PHKA2: variants seen among roughly 807,000 people sequenced by gnomAD.
PHKA2 encodes the protein phosphorylase b kinase regulatory subunit alpha, liver isoform.
PHKA2 carries 31 observed loss-of-function variants against 102.0 expected under a neutral mutation model. The observed-to-expected ratio is 0.30, with a 90% confidence interval of 0.23 to 0.41. The LOEUF is 0.41. PHKA2 is among the 10% of genes least tolerant of loss of function. PHKA2 has a pLI of 1.00. For missense variants in PHKA2, 858 were observed against 1,023.1 expected (o/e 0.84, Z 2.20); for synonymous variants, 455 against 416.2 (o/e 1.09, Z -1.13).
In PHKA2 at chrX:18,925,780, G is replaced by GTT; in HGVS notation, c.1460-5_1460-4dup. 1 of 1,122,332 alleles carries GTT rather than the reference G, an allele frequency of 8.9e-7. No individual in the cohort carries two copies. Among genetic ancestry groups the GTT allele is most frequent in the Non-Finnish European group, 1.2e-6 (1 of 814,255 alleles). The allele number at this position is 1,122,332 out of a possible 1,213,427, so 92.5% of individuals were successfully genotyped here. ...CAAATTCATATTCTTATTCCGTCCT[G>GTT]TTTGAGAAGTAAAAGATAAATTGGA... On this transcript the variant is annotated splice_polypyrimidine_tract_variant and splice_region_variant and intron_variant, in intron 14 of 32. Transcript: ENST00000379942.
intron 12 of PHKA2, 22 bp downstream of exon 12, chrX:18,931,619 T>C: frequency 4.6e-6 from 5 of 1,080,514 alleles, no homozygotes; most frequent in Non-Finnish European, 6.4e-6. Context: ...GTTTCCAGTC[T>C]GTGAGGCCAC....
intron 2 of PHKA2, 110 bp from the exon 3 acceptor site, chrX:18,952,651 A>T: frequency 1.4e-6 from 1 of 692,617 alleles, no homozygotes; most frequent in South Asian, 2.2e-5. Flanking sequence ...ACTGCCCTGG[A>T]AAGGCCAGTC....
At chrX:18,981,203 A>T (rs1225277553) in intron 1 of PHKA2, among the ~76,000 whole-genome samples, 1 of 111,628 alleles carries the variant, frequency 9.0e-6, no homozygotes, top group Non-Finnish European at 1.9e-5. Flanking sequence ...ACAACTGTGA[A>T]CACTAGTTGT....
chrX:18,932,661 T>C (rs2048334773), intron 11 of PHKA2, among the ~76,000 whole-genome samples: 1 of 111,110 alleles, frequency 9.0e-6, no homozygotes, highest in African/African-American at 3.3e-5. Context: ...GACAATAGTG[T>C]GGAAGGAGAT....
rs756395441 is a variant in PHKA2 at position 18,951,076 on chromosome X, A to G, written c.454+28T>C. ...CCTTTTCCGGATTGTCACTCCTTAT[A>G]CAATGGGCTCCAGCAACCCCAGCTC... On this transcript the variant is annotated intron_variant, in intron 4 of 32. Coordinates refer to ENST00000379942, the MANE Select transcript of PHKA2 (RefSeq NM_000292.3). The G allele has an allele frequency of 5.8e-5, 70 of 1,204,536 alleles. No homozygotes were observed. In the South Asian group the frequency reaches 6.5e-4, roughly 11 times the overall value.
chrX:18,951,241 T>A lies in PHKA2; in HGVS notation c.317A>T (p.Gln106Leu). 1 of 1,211,738 alleles carries A rather than the reference T, an allele frequency of 8.3e-7. No individual in the cohort carries two copies. Among genetic ancestry groups the A allele is most frequent in the South Asian group, 1.8e-5 (1 of 56,998 alleles). The change falls in exon 4 of 33, where the codon CAG (glutamine) becomes CTG (leucine). Residue 106 changes from glutamine (Q) to leucine (L), a missense_variant. Coordinates refer to ENST00000379942, the MANE Select transcript of PHKA2 (RefSeq NM_000292.3). ...VAKVEKFKHT[Q>L]STKDSLHAKY... ...GGCGTGCAGGCTGTCCTTGGTGCTC[T>A]GAGTGTGTTTGAACTTCTCCACTTT...
chrX:18,923,047 CTTT>C (rs775796728), intron 17 of PHKA2, among the ~76,000 whole-genome samples: 4 of 82,498 alleles, frequency 4.8e-5, no homozygotes, highest in African/African-American at 9.9e-5. Context: ...TGAGATTCTC[CTTT>C]TTTTTTTTTT....
chrX:18,966,180 C>T (rs1425742974), intron 1 of PHKA2, among the ~76,000 whole-genome samples: 1 of 107,077 alleles, frequency 9.3e-6, no homozygotes, highest in Non-Finnish European at 1.9e-5. Context: ...CTCCACCTCC[C>T]GGATTCAAGC....
chrX:18,905,781 T>C lies in PHKA2; in HGVS notation c.2885A>G (p.Lys962Arg), dbSNP rs747961475. ...KNLLHHILSGKEFGVERSVRP... is the reference protein window; with the variant it reads ...KNLLHHILSGREFGVERSVRP... Reference sequence around the variant, plus strand: ...ACCACTTCTTTCAACGCCAAACTCTTTCCCACTTAGAATATGGTGCAGGAG... The same window carrying C: ...ACCACTTCTTTCAACGCCAAACTCTCTCCCACTTAGAATATGGTGCAGGAG... The change falls in exon 26 of 33, where the codon AAA (lysine) becomes AGA (arginine). Residue 962 changes from lysine (K) to arginine (R), a missense_variant. Lys to Arg is a conservative substitution (Grantham distance 26, BLOSUM62 2). Transcript: ENST00000379942. 8.3e-7 allele frequency: 1 copy of C among 1,205,064 alleles called. No homozygotes were observed. The highest frequency in any genetic ancestry group is 1.1e-6 in the Non-Finnish European group (1 of 889,136).
intron 10 of PHKA2, among the ~76,000 whole-genome samples, chrX:18,937,004 T>C (rs1413107135): frequency 8.9e-6 from 1 of 111,847 alleles, no homozygotes; most frequent in Non-Finnish European, 1.9e-5. Flanking sequence ...TGGGATAAAA[T>C]GACAGAAAAC....
intron 26 of PHKA2, 136 bp downstream of exon 26, chrX:18,905,622 C>T: frequency 1.8e-6 from 1 of 553,608 alleles, no homozygotes; most frequent in Non-Finnish European, 3.3e-6. Context: ...AAGCTTGAGC[C>T]TAGGACTCTG....
intron 5 of PHKA2, among the ~76,000 whole-genome samples, chrX:18,946,831 C>T (rs1201873431): frequency 1.9e-5 from 2 of 103,183 alleles, no homozygotes; most frequent in African/African-American, 7.2e-5. Context: ...TTGTCAACTT[C>T]AGCACTATTC....
chrX:18,931,590 C>G (rs747489169), intron 12 of PHKA2, 51 bp downstream of exon 12: 23 of 903,761 alleles, frequency 2.5e-5, no homozygotes, highest in Non-Finnish European at 3.6e-5. Flanking sequence ...CTGGGGTTCC[C>G]TGAACCTCCA....
Position 18,938,475 on chromosome X carries a change from C to T in PHKA2, c.1041+152G>A, listed in dbSNP as rs2048429278. On this transcript the variant is annotated intron_variant, in intron 10 of 32. Transcript: ENST00000379942. Reference sequence around the variant, plus strand: ...GAGCAAATAAATAAAATAGGTGTTGCTTTAATTCACTCAGTTTTGGGAAAG... The same window carrying T: ...GAGCAAATAAATAAAATAGGTGTTGTTTTAATTCACTCAGTTTTGGGAAAG... 1.6e-5 allele frequency: 9 copies of T among 547,557 alleles called. No homozygotes were observed. In the Admixed American group the frequency reaches 2.3e-4, roughly 14 times the overall value. The allele number at this position is 547,557 out of a possible 1,213,427, so 45.1% of individuals were successfully genotyped here. A position where few individuals can be genotyped will look rare whatever the true frequency, so the allele number is the denominator to read the frequency against.
At chrX:18,937,726 G>T (rs1190232462) in intron 10 of PHKA2, among the ~76,000 whole-genome samples, 1 of 111,979 alleles carries the variant, frequency 8.9e-6, no homozygotes, top group Non-Finnish European at 1.9e-5. Context: ...TGAAAGCAGG[G>T]ATCAGATCAT....
rs749458239 is a variant in PHKA2, at chrX:18,897,401, C to T, written c.3112-68G>A. 5.3e-5 allele frequency: 56 copies of T among 1,063,742 alleles called. No individual in the cohort carries two copies. In the African/African-American group the frequency reaches 8.2e-4, roughly 16 times the overall value. 87.7% of individuals were successfully genotyped at this position (1,063,742 alleles called of 1,213,427 possible). On this transcript the variant is annotated intron_variant, in intron 29 of 32. Transcript: ENST00000379942. ...GTGCCCCAGGGAAAGTGCGCCATCT[C>T]GAAGGGCGGCCCTGCGACCTAGGCA...
intron 19 of PHKA2, among the ~76,000 whole-genome samples, chrX:18,916,680 G>A (rs2048024791): frequency 9.0e-6 from 1 of 110,840 alleles, no homozygotes; most frequent in African/African-American, 3.3e-5. Context: ...TCCTACTGTC[G>A]CCATGTGAAG....
chrX:18,952,125 G>C (rs1385137116), intron 3 of PHKA2, among the ~76,000 whole-genome samples: 1 of 97,336 alleles, frequency 1.0e-5, no homozygotes, highest in Non-Finnish European at 2.0e-5. Context: ...AAGGTGGGAG[G>C]ATCACTTGCG....
chrX:18,910,640 C>T (rs1242061574), intron 20 of PHKA2, among the ~76,000 whole-genome samples: 1 of 112,030 alleles, frequency 8.9e-6, no homozygotes, highest in Non-Finnish European at 1.9e-5. Flanking sequence ...GCTTTTTCTA[C>T]AGGCAAAATG....
Sources: allele counts gnomAD v4.1 joint callset (sites outside exome capture counted in the v4.1 genomes callset), GRCh38; gene constraint gnomAD v4.1.1; transcripts MANE v1.5; gene names NCBI Gene and HGNC (gene_info 2026-07-23, HGNC 2026-07-21).